The following FOXJ3 variants were observed in gnomAD, a reference collection of about 807,000 sequenced individuals.
FOXJ3 encodes forkhead box J3, also known as forkhead box protein J3.
FOXJ3 carries 22 observed loss-of-function variants against 76.1 expected under a neutral mutation model. The ratio of observed to expected loss-of-function variants is 0.29; its 90% CI spans 0.21 to 0.41. FOXJ3 has a LOEUF of 0.41. Ranked by LOEUF, FOXJ3 falls within the 10% of genes least tolerant of loss-of-function variation. The probability of loss-of-function intolerance (pLI) is 1.00; values close to 1 mark genes in which losing one functional copy is unlikely to be tolerated. For missense variants in FOXJ3, 613 were observed against 762.1 expected (o/e 0.80, Z 2.30); for synonymous variants, 269 against 261.2 (o/e 1.03, Z -0.29).
intron 1 of FOXJ3, among the ~76,000 whole-genome samples, chr1:42,329,269 C>T (rs1344954755): frequency 6.6e-6 from 1 of 152,226 alleles, no homozygotes; most frequent in Non-Finnish European, 1.5e-5. Context: ...TAATGCTCTG[C>T]TGATCTGGTT....
intron 2 of FOXJ3, among the ~76,000 whole-genome samples, chr1:42,303,625 G>T (rs1654290513): frequency 6.6e-6 from 1 of 152,166 alleles, no homozygotes; most frequent in South Asian, 2.1e-4. Flanking sequence ...AGACAAATTA[G>T]ATCAATAATA....
intron 4 of FOXJ3, among the ~76,000 whole-genome samples, chr1:42,260,053 T>C (rs558757648): frequency 4.6e-5 from 7 of 152,318 alleles, no homozygotes; most frequent in African/African-American, 1.7e-4. Context: ...CCTGTTTAGT[T>C]TGTACAGAAA....
chr1:42,181,775 A>G, intron 12 of FOXJ3, 142 bp downstream of exon 12: 2 of 557,208 alleles, frequency 3.6e-6, no homozygotes, highest in Non-Finnish European at 6.3e-6. Context: ...ACTGACACAC[A>G]CACATGCTTC....
chr1:42,233,232 C>CT (rs1648307370), intron 4 of FOXJ3, among the ~76,000 whole-genome samples: 1 of 63,840 alleles, frequency 1.6e-5, no homozygotes, highest in Non-Finnish European at 3.4e-5. Flanking sequence ...TAGCACGATG[C>CT]CTCCAGCTTT....
intron 2 of FOXJ3, among the ~76,000 whole-genome samples, chr1:42,303,001 G>A (rs1398171877): frequency 1.3e-5 from 2 of 150,968 alleles, no homozygotes; most frequent in Non-Finnish European, 2.9e-5. Flanking sequence ...CAAAATTAAA[G>A]TGCTGGTTTT....
At chr1:42,207,473 G>A (rs1489116089) in intron 5 of FOXJ3, among the ~76,000 whole-genome samples, 7 of 152,146 alleles carry the variant, frequency 4.6e-5, no homozygotes, top group Non-Finnish European at 8.8e-5. Context: ...CTCTCTCTAA[G>A]AAACGGTTTT....
At chr1:42,324,236 A>G (rs1267993133) in intron 1 of FOXJ3, among the ~76,000 whole-genome samples, 2 of 69,414 alleles carry the variant, frequency 2.9e-5, no homozygotes, top group African/African-American at 8.3e-5. Context: ...AGGAATATAT[A>G]CACACTATAT....
chr1:42,218,056 T>A (rs1429948542), intron 5 of FOXJ3, among the ~76,000 whole-genome samples: 5 of 152,168 alleles, frequency 3.3e-5, no homozygotes, highest in Non-Finnish European at 7.4e-5. Context: ...ACTCAGTAGT[T>A]TTCCCAATTG....
rs1553167260 is a variant in FOXJ3 at position 42,291,083 on chromosome 1, T to TAGATAGATAGACAGACAGACAGAC, written c.45-12412_45-12411insGTCTGTCTGTCTGTCTATCTATCT. 1.7e-3 allele frequency among the ~76,000 whole-genome samples: 219 copies of TAGATAGATAGACAGACAGACAGAC among 126,446 alleles called. 1 individual carries two copies. The highest frequency in any genetic ancestry group is 3.8e-3 in the East Asian group (16 of 4,256). 83.0% of individuals were successfully genotyped at this position (126,446 alleles called of 152,430 possible). A position where few individuals can be genotyped will look rare whatever the true frequency, so the allele number is the denominator to read the frequency against. ...ATAGATAGATAGATAGATAGATAGA[T>TAGATAGATAGACAGACAGACAGAC]AGACAGACAGACAGACAGATAGATC... On this transcript the variant is annotated intron_variant, in intron 2 of 12. Coordinates refer to ENST00000361346, the MANE Select transcript of FOXJ3 (RefSeq NM_014947.5).
intron 4 of FOXJ3, among the ~76,000 whole-genome samples, chr1:42,239,546 T>C (rs757618668): frequency 3.9e-5 from 6 of 152,216 alleles, no homozygotes; most frequent in Non-Finnish European, 8.8e-5. Flanking sequence ...TGTACCAAAA[T>C]GGACAACATC....
chr1:42,187,320 G>A (rs1469168125), intron 11 of FOXJ3, among the ~76,000 whole-genome samples: 1 of 152,186 alleles, frequency 6.6e-6, no homozygotes, highest in African/African-American at 2.4e-5. Context: ...GGTTAGAGAT[G>A]GAGTTAGCAA....
chr1:42,195,382 G>C (rs534647386), intron 7 of FOXJ3, among the ~76,000 whole-genome samples: 69 of 152,268 alleles, frequency 4.5e-4, no homozygotes, highest in Non-Finnish European at 2.4e-4. Context: ...CCTTTCTGTA[G>C]AATCTTCAAT....
chr1:42,263,324 T>A (rs1240180310), intron 4 of FOXJ3, among the ~76,000 whole-genome samples: 1 of 152,200 alleles, frequency 6.6e-6, no homozygotes, highest in Non-Finnish European at 1.5e-5. Context: ...CAAATTCATT[T>A]AAAAATCCAA....
intron 4 of FOXJ3, among the ~76,000 whole-genome samples, chr1:42,235,549 CG>C (rs1383998243): frequency 2.0e-5 from 3 of 148,588 alleles, no homozygotes; most frequent in Non-Finnish European, 4.5e-5. Flanking sequence ...TGGCTCCACC[CG>C]TTTTTTTTTG....
At chr1:42,318,756 G>T (rs753223855) in intron 1 of FOXJ3, among the ~76,000 whole-genome samples, 3 of 152,184 alleles carry the variant, frequency 2.0e-5, no homozygotes, top group African/African-American at 7.2e-5. Context: ...AAACTTTCAT[G>T]CATTGCTAGT....
intron 5 of FOXJ3, among the ~76,000 whole-genome samples, chr1:42,206,831 T>C (rs1284010020): frequency 6.6e-6 from 1 of 152,130 alleles, no homozygotes; most frequent in Admixed American, 6.6e-5. Context: ...TTTCTTCTTC[T>C]TCTTCTTCTT....
intron 5 of FOXJ3, among the ~76,000 whole-genome samples, chr1:42,212,962 A>AC (rs1322791876): frequency 4.5e-4 from 66 of 147,838 alleles, no homozygotes; most frequent in African/African-American, 1.6e-3. Flanking sequence ...TCTAGCAAAA[A>AC]AAAAAAAAAC....
At chr1:42,207,372 A>G (rs1646881235) in intron 5 of FOXJ3, among the ~76,000 whole-genome samples, 1 of 152,226 alleles carries the variant, frequency 6.6e-6, no homozygotes, top group Non-Finnish European at 1.5e-5. Flanking sequence ...AATATACCTC[A>G]TATGTACTGT....
chr1:42,230,852 T>C (rs1183602740), intron 4 of FOXJ3, among the ~76,000 whole-genome samples: 1 of 152,144 alleles, frequency 6.6e-6, no homozygotes, highest in Non-Finnish European at 1.5e-5. Flanking sequence ...CTTTTGGATA[T>C]ATATCCAAAA....
Sources: allele counts gnomAD v4.1 joint callset (sites outside exome capture counted in the v4.1 genomes callset), GRCh38; gene constraint gnomAD v4.1.1; transcripts MANE v1.5; gene names NCBI Gene and HGNC (gene_info 2026-07-23, HGNC 2026-07-21).